NSRP1: variants seen among roughly 807,000 people sequenced by gnomAD.
The protein encoded by NSRP1 is nuclear speckle splicing regulatory protein 1.
A neutral mutation model predicts 54.7 loss-of-function variants in NSRP1; 24 were observed. That is an observed-to-expected ratio of 0.44 (90% CI 0.32 to 0.62). The LOEUF (loss-of-function observed/expected upper bound fraction) is 0.62. Among genes scored for constraint, NSRP1 ranks in the 20% least tolerant of loss-of-function variants. The probability of loss-of-function intolerance (pLI) is 0.06; values close to 1 mark genes in which losing one functional copy is unlikely to be tolerated. For synonymous variants in NSRP1, 210 were observed against 213.8 expected, an observed-to-expected ratio of 0.98 and a Z score of 0.15; for missense variants, 596 against 651.2, an observed-to-expected ratio of 0.92 and a Z score of 0.92.
At chr17:30,151,874 C>T (rs920278331) in intron 2 of NSRP1, among the ~76,000 whole-genome samples, 1 of 149,906 alleles carries the variant, frequency 6.7e-6, no homozygotes, top group African/African-American at 2.5e-5. Flanking sequence ...CCTCCGCCTC[C>T]TAGGTTCAAG....
At chr17:30,135,285 A>C (rs1026793210) in intron 2 of NSRP1, among the ~76,000 whole-genome samples, 27 of 150,050 alleles carry the variant, frequency 1.8e-4, no homozygotes, top group Non-Finnish European at 3.1e-4. Context: ...TGCCCAGCTA[A>C]TTTTTGTATT....
chr17:30,165,718 C>T (rs1168300419), intron 2 of NSRP1, among the ~76,000 whole-genome samples: 1 of 152,204 alleles, frequency 6.6e-6, no homozygotes, highest in Non-Finnish European at 1.5e-5. Flanking sequence ...TTTCTAGTTA[C>T]GCTATAGCTC....
At chr17:30,166,193 AAG>A (rs1904726194) in intron 2 of NSRP1, among the ~76,000 whole-genome samples, 2 of 152,318 alleles carry the variant, frequency 1.3e-5, no homozygotes, top group African/African-American at 4.8e-5. Context: ...ACAAGCTAGC[AAG>A]AGAGAGAACA....
rs1043848347 is a variant in NSRP1 at position 30,163,151 on chromosome 17, C to T, written c.115-9391C>T. ...CCAGCCGCCTCAGCCTCCCAAAGCG[C>T]TGGGATTACAGGCATGTACCACCAC... On this transcript the variant is annotated intron_variant, in intron 2 of 6. Coordinates refer to ENST00000247026, the MANE Select transcript of NSRP1 (RefSeq NM_032141.4). The T allele has an allele frequency of 3.3e-5, 5 of 151,826 alleles. No homozygotes were observed. In the East Asian group the frequency reaches 7.7e-4, roughly 23 times the overall value. 9.4% of individuals were successfully genotyped at this position (151,826 alleles called of 1,614,324 possible). A position where few individuals can be genotyped will look rare whatever the true frequency, so the allele number is the denominator to read the frequency against.
chr17:30,147,813 C>CT lies in NSRP1; in HGVS notation c.115-24714dup, dbSNP rs113635257. ...AACTCTTCTATTCATCACTGACCAACTTTTTTTTTTTTTTTGAGACGGAGT... is the reference window on the plus strand; with the variant it reads ...AACTCTTCTATTCATCACTGACCAACTTTTTTTTTTTTTTTTGAGACGGAGT... On this transcript the variant is annotated intron_variant, in intron 2 of 6. Transcript: ENST00000247026. Among the ~76,000 whole-genome samples, 982 of 141,098 alleles carry CT rather than the reference C, an allele frequency of 7.0e-3. 14 individuals are homozygous for CT. The highest frequency in any genetic ancestry group is 0.051 in the South Asian group (227 of 4,456). 92.6% of individuals were successfully genotyped at this position (141,098 alleles called of 152,430 possible).
chr17:30,157,758 G>T (rs1474710854), intron 2 of NSRP1, among the ~76,000 whole-genome samples: 1 of 152,086 alleles, frequency 6.6e-6, no homozygotes, highest in African/African-American at 2.4e-5. Context: ...GTGAGGACAT[G>T]CAATATTTGT....
Position 30,185,240 on chromosome 17 carries a change from A to C in NSRP1, c.1243A>C (p.Lys415Gln). Reference sequence around the variant, plus strand: ...GAAAGGAGAGAAGGAAGAGAAAAGCAAAGCAAAGGAAGAGCATATGAAAGT... The same window carrying C: ...GAAAGGAGAGAAGGAAGAGAAAAGCCAAGCAAAGGAAGAGCATATGAAAGT... Reference protein sequence around the residue: ...SEKGEKEEKSKAKEEHMKVRK... With the variant: ...SEKGEKEEKSQAKEEHMKVRK... Residue 415 changes from lysine to glutamine, a missense_variant, in exon 7 of 7, where the codon AAA becomes CAA. Transcript: ENST00000247026. 6.3e-7 allele frequency: 1 copy of C among 1,586,860 alleles called. No homozygotes were observed. Among genetic ancestry groups the C allele is most frequent in the Non-Finnish European group, 8.6e-7 (1 of 1,166,578 alleles).
chr17:30,143,148 A>G (rs2071821623), intron 2 of NSRP1, among the ~76,000 whole-genome samples: 1 of 152,226 alleles, frequency 6.6e-6, no homozygotes, highest in Admixed American at 6.5e-5. Context: ...GTCATTAAAA[A>G]GAAGTTTTTC....
chr17:30,139,238 C>G (rs983799810), intron 2 of NSRP1, among the ~76,000 whole-genome samples: 1 of 151,932 alleles, frequency 6.6e-6, no homozygotes, highest in African/African-American at 2.4e-5. Context: ...TTTTTTAATC[C>G]GGGTTTTTGT....
chr17:30,167,904 T>C (rs1904793912), intron 2 of NSRP1, among the ~76,000 whole-genome samples: 1 of 152,208 alleles, frequency 6.6e-6, no homozygotes, highest in South Asian at 2.1e-4. Flanking sequence ...TGTACAGTTA[T>C]AATAATACTT....
intron 2 of NSRP1, among the ~76,000 whole-genome samples, chr17:30,146,816 G>A (rs141067589): frequency 0.013 from 2,040 of 152,096 alleles, 31 homozygotes; most frequent in Admixed American, 0.024. Flanking sequence ...TGTTGGCCAG[G>A]CTGGCCTCAA....
At chr17:30,180,549 AAGGACCAG>A (rs1905259187) in intron 5 of NSRP1, among the ~76,000 whole-genome samples, 2 of 152,374 alleles carry the variant, frequency 1.3e-5, no homozygotes, top group Non-Finnish European at 2.9e-5. Flanking sequence ...ACTTTCTGTA[AAGGACCAG>A]ATAGTATTTT....
At chr17:30,168,181 C>T (rs1394522019) in intron 2 of NSRP1, 1 of 152,112 alleles carries the variant, frequency 6.6e-6, no homozygotes, top group Non-Finnish European at 1.5e-5. Context: ...CTTGCTTTGC[C>T]ATTCACCAGC....
intron 2 of NSRP1, among the ~76,000 whole-genome samples, chr17:30,151,187 C>T (rs1057194626): frequency 6.6e-6 from 1 of 152,044 alleles, no homozygotes; most frequent in Non-Finnish European, 1.5e-5. Flanking sequence ...TGTTCAACTC[C>T]TTTGTCCATT....
chr17:30,116,962 T>G, intron 1 of NSRP1, 99 bp downstream of exon 1: 1 of 1,388,174 alleles, frequency 7.2e-7, no homozygotes, highest in Non-Finnish European at 1.0e-6. Context: ...GTGAAGGGAC[T>G]GTGTCGTCAA....
intron 2 of NSRP1, among the ~76,000 whole-genome samples, chr17:30,137,252 T>A (rs994249253): frequency 6.6e-6 from 1 of 152,216 alleles, no homozygotes; most frequent in African/African-American, 2.4e-5. Flanking sequence ...ATCATCTTAT[T>A]TACAACTATT....
At chr17:30,167,676 T>C (rs1249038473) in intron 2 of NSRP1, among the ~76,000 whole-genome samples, 1 of 152,196 alleles carries the variant, frequency 6.6e-6, no homozygotes, top group Non-Finnish European at 1.5e-5. Context: ...CACATAAATA[T>C]ATGTATTTAA....
chr17:30,137,606 T>C (rs1278526715), intron 2 of NSRP1, among the ~76,000 whole-genome samples: 1 of 152,266 alleles, frequency 6.6e-6, no homozygotes, highest in Admixed American at 6.5e-5. Context: ...CTTGAGACTT[T>C]GGTGATGTTT....
At chr17:30,162,144 C>A (rs1306745617) in intron 2 of NSRP1, among the ~76,000 whole-genome samples, 2 of 151,990 alleles carry the variant, frequency 1.3e-5, no homozygotes, top group African/African-American at 4.8e-5. Context: ...CCTGCCTCAG[C>A]CTCCCAAGTA....
Sources: gnomAD v4.1 joint callset for allele counts (sites outside exome capture counted in the v4.1 genomes callset) on GRCh38, gnomAD v4.1.1 for gene constraint, MANE v1.5 for transcripts, NCBI Gene and HGNC (gene_info 2026-07-23, HGNC 2026-07-21) for gene names.